TRERF1: variants seen among roughly 807,000 people sequenced by gnomAD.
The protein encoded by TRERF1 is transcriptional-regulating factor 1.
A neutral mutation model predicts 122.9 loss-of-function variants in TRERF1; 27 were observed. The observed-to-expected ratio is 0.22, with a 90% CI of 0.16 to 0.30. The LOEUF is 0.30. TRERF1 is among the 10% of genes least tolerant of loss of function. The pLI, the probability that TRERF1 is intolerant of heterozygous loss-of-function variation, is 1.00. For synonymous variants in TRERF1, 636 were observed against 641.7 expected (o/e 0.99, Z 0.13); for missense variants, 1,248 against 1,560.3 (o/e 0.80, Z 3.37).
At chr6:42,438,347 C>T (rs1160282161) in intron 2 of TRERF1, among the ~76,000 whole-genome samples, 1 of 151,634 alleles carries the variant, frequency 6.6e-6, no homozygotes, top group African/African-American at 2.4e-5. Context: ...CGGTGGCTCA[C>T]GCCTGTAATC....
chr6:42,236,103 C>T, intron 16 of TRERF1, 102 bp downstream of exon 16: 8 of 1,459,192 alleles, frequency 5.5e-6, no homozygotes, highest in Non-Finnish European at 7.2e-6. Flanking sequence ...CAAACTGTGA[C>T]TGTTGGAAGA....
chr6:42,285,291 G>A (rs2150082338), intron 4 of TRERF1, among the ~76,000 whole-genome samples: 1 of 152,120 alleles, frequency 6.6e-6, no homozygotes, highest in South Asian at 2.1e-4. Flanking sequence ...TTTGTCTGTT[G>A]TTGGTGTATA....
Position 42,381,281 on chromosome 6 carries a change from A to G in TRERF1, c.-453-18202T>C, listed in dbSNP as rs184164917. 8.1e-4 allele frequency among the ~76,000 whole-genome samples: 122 copies of G among 151,302 alleles called. 1 individual carries two copies. Among genetic ancestry groups the G allele is most frequent in the African/African-American group, 2.6e-3 (107 of 41,238 alleles). ...CTGCCTCTTTCCCTCTGTCACCTCA[A>G]TGCATCCCATAAGGCGTCTCAGTAT... On this transcript the variant is annotated intron_variant, in intron 2 of 17. Transcript: ENST00000372922.
intron 2 of TRERF1, among the ~76,000 whole-genome samples, chr6:42,414,539 G>A (rs536403981): frequency 4.6e-5 from 7 of 152,220 alleles, no homozygotes; most frequent in South Asian, 2.1e-4. Flanking sequence ...CTAGTCTTAC[G>A]ACTAGTTACT....
At chr6:42,312,436 G>C (rs774263175) in intron 3 of TRERF1, among the ~76,000 whole-genome samples, 1 of 152,212 alleles carries the variant, frequency 6.6e-6, no homozygotes, top group South Asian at 2.1e-4. Context: ...GGATCACGGA[G>C]TCAGTAGAAG....
chr6:42,441,398 C>T (rs1371632318), intron 2 of TRERF1, among the ~76,000 whole-genome samples: 1 of 152,112 alleles, frequency 6.6e-6, no homozygotes, highest in Admixed American at 6.6e-5. Flanking sequence ...ACTAAGCCAG[C>T]ACAGACAGAA....
chr6:42,422,430 A>T (rs909511251), intron 2 of TRERF1, among the ~76,000 whole-genome samples: 4 of 148,044 alleles, frequency 2.7e-5, no homozygotes, highest in Non-Finnish European at 5.9e-5. Context: ...AGGTGGGTGG[A>T]TCACTTGTGC....
chr6:42,253,252 C>T (rs577842149), intron 13 of TRERF1, among the ~76,000 whole-genome samples: 10 of 152,292 alleles, frequency 6.6e-5, no homozygotes, highest in East Asian at 5.8e-4. Context: ...TCCCAGATGA[C>T]GCTGCTCACA....
At chr6:42,425,823 G>A (rs1050158002) in intron 2 of TRERF1, among the ~76,000 whole-genome samples, 10 of 147,640 alleles carry the variant, frequency 6.8e-5, no homozygotes, top group African/African-American at 2.2e-4. Context: ...GATTACAGGC[G>A]TGAGCCAGTG....
chr6:42,444,821 C>T (rs984828974), intron 2 of TRERF1, among the ~76,000 whole-genome samples: 2 of 152,206 alleles, frequency 1.3e-5, no homozygotes, highest in African/African-American at 4.8e-5. Flanking sequence ...CTCTGCTCCT[C>T]GCCTTTCATC....
rs542067026 is a variant in TRERF1, at chr6:42,276,392, CAGTT to C, written c.-258-6548_-258-6545del. Among the ~76,000 whole-genome samples the C allele has an allele frequency of 3.0e-4, 45 of 152,298 alleles. No individual in the cohort carries two copies. The highest frequency in any genetic ancestry group is 4.1e-4 in the Non-Finnish European group (28 of 68,020). On this transcript the variant is annotated intron_variant, in intron 4 of 17. Transcript: ENST00000372922. This position sits in a 1 kb window ranked among gnomAD's most constrained non-coding sequence, Gnocchi z 4.3. ...TTTCCTTTTTCTGACCCCGGGCAGTCAGTTAGAGACTGTATACACAATTCTCCAA... is the reference window on the plus strand; with the variant it reads ...TTTCCTTTTTCTGACCCCGGGCAGTCAGAGACTGTATACACAATTCTCCAA...
At chr6:42,281,265 G>A (rs1367737487) in intron 4 of TRERF1, among the ~76,000 whole-genome samples, 1 of 152,084 alleles carries the variant, frequency 6.6e-6, no homozygotes, top group African/African-American at 2.4e-5. Context: ...ACAGAAATGC[G>A]GCCCCGGAGC....
intron 2 of TRERF1, among the ~76,000 whole-genome samples, chr6:42,400,354 G>A (rs1158030570): frequency 6.6e-6 from 1 of 152,196 alleles, no homozygotes; most frequent in Admixed American, 6.5e-5. Context: ...CAAGAAGGAG[G>A]AGTAAGGCAG....
chr6:42,262,309 C>G (rs1778065791), intron 8 of TRERF1, among the ~76,000 whole-genome samples: 1 of 151,944 alleles, frequency 6.6e-6, no homozygotes, highest in African/African-American at 2.4e-5. Context: ...CCCAGCCTAC[C>G]CTTATGCCTC....
At position 42,291,436 on chromosome 6, in the gene TRERF1, T is replaced by C. The variant is rs549492958; in HGVS notation, c.-259+9202A>G. Among the ~76,000 whole-genome samples, 469 of 148,986 alleles carry C rather than the reference T, an allele frequency of 3.1e-3. 4 individuals carry two copies. The highest frequency in any genetic ancestry group is 0.011 in the African/African-American group (437 of 40,182). Reference sequence around the variant, plus strand: ...GAACTTGGAAGTGTGAAAAAGAAGCTGATGCACTTTACACTAAAAAAAAAA... The same window carrying C: ...GAACTTGGAAGTGTGAAAAAGAAGCCGATGCACTTTACACTAAAAAAAAAA... On this transcript the variant is annotated intron_variant, in intron 4 of 17. Transcript: ENST00000372922.
At chr6:42,408,267 A>ATGTATATATACATATTCATGTGTG (rs1780544873) in intron 2 of TRERF1, among the ~76,000 whole-genome samples, 1 of 123,358 alleles carries the variant, frequency 8.1e-6, no homozygotes, top group Non-Finnish European at 1.7e-5. Flanking sequence ...ATGTGTGTGT[A>ATGTATATATACATATTCATGTGTG]TGTATATATA....
chr6:42,444,200 T>G (rs1787059913), intron 2 of TRERF1, among the ~76,000 whole-genome samples: 1 of 151,886 alleles, frequency 6.6e-6, no homozygotes, highest in Admixed American at 6.6e-5. Context: ...TTTTGCTTTT[T>G]TTTCTTTTGA....
At position 42,269,396 on chromosome 6, in the gene TRERF1, C is replaced by T. The variant is rs1192762523; in HGVS notation, c.195G>A (p.Leu65=). 6.2e-7 allele frequency: 1 copy of T among 1,614,086 alleles called. No individual in the cohort carries two copies. Among genetic ancestry groups the T allele is most frequent in the African/African-American group, 1.3e-5 (1 of 74,918 alleles). Residue 65 remains leucine (L), a synonymous_variant, in exon 5 of 18, where the codon CTG becomes CTA. Coordinates refer to ENST00000372922, the Ensembl canonical transcript of TRERF1. This position sits in a 1 kb window ranked among gnomAD's most constrained non-coding sequence, Gnocchi z 4.9. ...GGTTTTTGGAGCCAACAGGCAAGCC[C>T]AGACCATCCCGTGTATCTTGAGGGA...
rs377603244 is a variant in TRERF1 at position 42,230,083 on chromosome 6, C to G, written c.3279-1414G>C. On this transcript the variant is annotated intron_variant, in intron 17 of 17. Transcript: ENST00000372922. ...ATAATACTCTTTAGTCACTTCTGAGCTCATGAAGGAAAAAACAAAACAAAA... is the reference window on the plus strand; with the variant it reads ...ATAATACTCTTTAGTCACTTCTGAGGTCATGAAGGAAAAAACAAAACAAAA... Among the ~76,000 whole-genome samples the G allele has an allele frequency of 2.6e-5, 4 of 152,230 alleles. 1 individual carries two copies. Among genetic ancestry groups the G allele is most frequent in the Admixed American group, 6.5e-5 (1 of 15,278 alleles).
Sources: allele counts gnomAD v4.1 joint callset (sites outside exome capture counted in the v4.1 genomes callset), GRCh38; gene constraint gnomAD v4.1.1; non-coding constraint Gnocchi (gnomAD v3.1); transcripts MANE v1.5; gene names NCBI Gene and HGNC (gene_info 2026-07-23, HGNC 2026-07-21).